FRAS1: variants seen among roughly 807,000 people sequenced by gnomAD.
The protein encoded by FRAS1 is extracellular matrix organizing protein FRAS1.
FRAS1 carries 290 observed loss-of-function variants against 435.2 expected under a neutral mutation model. The ratio of observed to expected loss-of-function variants is 0.67; its 90% CI spans 0.61 to 0.73. The LOEUF (loss-of-function observed/expected upper bound fraction) is 0.73. Among genes scored for constraint, FRAS1 ranks in the 30% least tolerant of loss-of-function variants. FRAS1 has a pLI of 0.00. For missense variants in FRAS1, 4,860 were observed against 5,001.5 expected (o/e 0.97, Z 0.85); for synonymous variants, 1,800 against 1,851.0 (o/e 0.97, Z 0.71).
intron 41 of FRAS1, 131 bp downstream of exon 41, chr4:78,441,428 A>C: frequency 2.3e-6 from 2 of 875,522 alleles, no homozygotes; most frequent in Non-Finnish European, 3.5e-6. Flanking sequence ...AATGGAAGGA[A>C]GGTAGGAAGG....
chr4:78,468,192 G>T (rs77695643), intron 50 of FRAS1, among the ~76,000 whole-genome samples: 7,116 of 152,166 alleles, frequency 0.047, 229 homozygotes, highest in Non-Finnish European at 0.072. Flanking sequence ...TCTTGTAGTA[G>T]TTTCATAGTT....
intron 28 of FRAS1, among the ~76,000 whole-genome samples, chr4:78,384,372 C>T (rs1481470296): frequency 2.0e-5 from 3 of 152,136 alleles, no homozygotes; most frequent in Non-Finnish European, 4.4e-5. Context: ...CTTAGTGTTT[C>T]ACGTAAGTAA....
rs564389867 is a variant in FRAS1, at chr4:78,511,373, A to G, written c.9880A>G (p.Ile3294Val). 6.2e-7 allele frequency: 1 copy of G among 1,613,954 alleles called. No homozygotes were observed. Among genetic ancestry groups the G allele is most frequent in the Non-Finnish European group, 8.5e-7 (1 of 1,179,854 alleles). The change falls in exon 64 of 74, where the codon ATT becomes GTT. Residue 3294 changes from isoleucine to valine, a missense_variant. Coordinates refer to ENST00000512123, the MANE Select transcript of FRAS1 (RefSeq NM_025074.7). ...TGTGGGGACCCCCTTAAGGAGCAAC[A>G]TTGTTACCATTGGAACAGACAGTGC... is the stretch of plus-strand genomic sequence containing the variant. Reference protein sequence around the residue: ...GHVGTPLRSNIVTIGTDSAIC... With the variant: ...GHVGTPLRSNVVTIGTDSAIC...
intron 18 of FRAS1, among the ~76,000 whole-genome samples, chr4:78,331,204 T>C (rs1729935301): frequency 6.6e-6 from 1 of 152,260 alleles, no homozygotes; most frequent in East Asian, 1.9e-4. Flanking sequence ...CTCTAGGTTC[T>C]GTTTATCATA....
intron 2 of FRAS1, among the ~76,000 whole-genome samples, chr4:78,073,842 T>C (rs1244669790): frequency 6.6e-6 from 1 of 152,234 alleles, no homozygotes; most frequent in Non-Finnish European, 1.5e-5. Context: ...ACATTTTGTT[T>C]CTGTGACACT....
chr4:78,387,796 G>T (rs1178284704), intron 29 of FRAS1, 95 bp downstream of exon 29: 4 of 827,200 alleles, frequency 4.8e-6, no homozygotes, highest in Admixed American at 3.1e-5. Context: ...TTAAGATATG[G>T]GTAGTCATTC....
At position 78,305,325 on chromosome 4, in the gene FRAS1, G is replaced by T. The variant is rs796166495; in HGVS notation, c.1535-2741G>T. ...AATAGGTGTGGTGTGGTGCTGAAAA[G>T]AATGTATATTCTGTTGATTTGGGGT... On this transcript the variant is annotated intron_variant, in intron 14 of 73. Transcript: ENST00000512123. 2.6e-5 allele frequency among the ~76,000 whole-genome samples: 4 copies of T among 151,606 alleles called. No homozygotes were observed. In the South Asian group the frequency reaches 8.4e-4, roughly 32 times the overall value.
intron 2 of FRAS1, among the ~76,000 whole-genome samples, chr4:78,091,623 T>TTGTGTGTGTGTG (rs10631175): frequency 1.4e-5 from 2 of 148,104 alleles, no homozygotes; most frequent in African/African-American, 2.5e-5. Flanking sequence ...ACACGTGTGT[T>TTGTGTGTGTGTG]TGTGTGTGTG....
intron 2 of FRAS1, among the ~76,000 whole-genome samples, chr4:78,141,545 G>C (rs141914474): frequency 6.3e-4 from 96 of 152,226 alleles, no homozygotes; most frequent in African/African-American, 2.3e-3. Context: ...GAAATCACTG[G>C]ATCAAGATCC....
At chr4:78,527,626 G>A (rs1721581675) in intron 70 of FRAS1, among the ~76,000 whole-genome samples, 1 of 152,146 alleles carries the variant, frequency 6.6e-6, no homozygotes, top group Non-Finnish European at 1.5e-5. Flanking sequence ...GGTCATTGGT[G>A]AACTCTGCCA....
chr4:78,411,784 C>G (rs913605124), intron 31 of FRAS1, among the ~76,000 whole-genome samples: 8 of 152,106 alleles, frequency 5.3e-5, no homozygotes, highest in African/African-American at 1.9e-4. Flanking sequence ...CGCCACCGCA[C>G]CCCTCCGCCA....
intron 26 of FRAS1, among the ~76,000 whole-genome samples, chr4:78,378,471 A>G (rs942444207): frequency 6.6e-6 from 1 of 152,090 alleles, no homozygotes; most frequent in African/African-American, 2.4e-5. Context: ...GTCCTTTGGT[A>G]ACTGTATTTA....
chr4:78,453,612 G>A (rs1719092151), intron 47 of FRAS1, among the ~76,000 whole-genome samples: 1 of 152,082 alleles, frequency 6.6e-6, no homozygotes, highest in African/African-American at 2.4e-5. Context: ...ACCAGCCTGG[G>A]CAACATAGTG....
At chr4:78,137,398 T>C (rs1348346020) in intron 2 of FRAS1, among the ~76,000 whole-genome samples, 2 of 152,208 alleles carry the variant, frequency 1.3e-5, no homozygotes, top group African/African-American at 4.8e-5. Context: ...TGTATACATA[T>C]ATATTTTTTC....
intron 67 of FRAS1, among the ~76,000 whole-genome samples, chr4:78,519,955 T>TC (rs1721336952): frequency 6.6e-6 from 1 of 152,196 alleles, no homozygotes; most frequent in East Asian, 1.9e-4. Flanking sequence ...TTTAATTGCA[T>TC]CCTCCAAAGA....
intron 2 of FRAS1, among the ~76,000 whole-genome samples, chr4:78,214,276 T>C (rs1723647892): frequency 6.6e-6 from 1 of 152,232 alleles, no homozygotes; most frequent in Non-Finnish European, 1.5e-5. Context: ...TGATAGTATG[T>C]GGTTGGATTA....
chr4:78,121,694 C>T (rs907141443), intron 2 of FRAS1, among the ~76,000 whole-genome samples: 1 of 152,176 alleles, frequency 6.6e-6, no homozygotes, highest in Non-Finnish European at 1.5e-5. Flanking sequence ...TACGCTTGAG[C>T]TCTATTTTAG....
At chr4:78,280,419 A>G (rs550270311) in intron 10 of FRAS1, among the ~76,000 whole-genome samples, 1 of 152,268 alleles carries the variant, frequency 6.6e-6, no homozygotes, top group East Asian at 1.9e-4. Flanking sequence ...CACCCTACTT[A>G]GAATGGCATG....
intron 55 of FRAS1, 142 bp downstream of exon 55, chr4:78,478,203 A>G: frequency 2.2e-6 from 2 of 928,118 alleles, no homozygotes; most frequent in Non-Finnish European, 3.2e-6. Flanking sequence ...GGTTCCCACA[A>G]CAACCCTGAT....
Sources: allele counts gnomAD v4.1 joint callset (sites outside exome capture counted in the v4.1 genomes callset), GRCh38; gene constraint gnomAD v4.1.1; transcripts MANE v1.5; gene names NCBI Gene and HGNC (gene_info 2026-07-23, HGNC 2026-07-21).